The following SLC24A3 variants were observed in gnomAD, a reference collection of about 807,000 sequenced individuals.
SLC24A3 encodes the protein solute carrier family 24 member 3.
A neutral mutation model predicts 75.8 loss-of-function variants in SLC24A3; 28 were observed. That is an observed-to-expected ratio of 0.37 (90% CI 0.27 to 0.51). The LOEUF (loss-of-function observed/expected upper bound fraction) is 0.51. Among genes scored for constraint, SLC24A3 ranks in the 20% least tolerant of loss-of-function variants. SLC24A3 has a pLI of 0.94. For synonymous variants in SLC24A3, 372 were observed against 334.1 expected, an observed-to-expected ratio of 1.11 and a Z score of -1.24; for missense variants, 663 against 847.8, an observed-to-expected ratio of 0.78 and a Z score of 2.71.
intron 2 of SLC24A3, among the ~76,000 whole-genome samples, chr20:19,352,208 A>T (rs1568597342): frequency 6.6e-6 from 1 of 152,124 alleles, no homozygotes; most frequent in Non-Finnish European, 1.5e-5. Context: ...TAGCATTTGT[A>T]CTTAAAGTGG....
At position 19,345,861 on chromosome 20, in the gene SLC24A3, C is replaced by T. The variant is rs1447665611; in HGVS notation, c.271+64774C>T. Among the ~76,000 whole-genome samples, 4 of 151,590 alleles carry T rather than the reference C, an allele frequency of 2.6e-5. No homozygotes were observed. In the East Asian group the frequency reaches 7.8e-4, roughly 29 times the overall value. On this transcript the variant is annotated intron_variant, in intron 2 of 16. Transcript: ENST00000328041. The stretch of plus-strand genomic sequence containing the variant: ...GTGGGAAGGTAAAATAGTACCACCA[C>T]TATGGAAAACAGTGTGGAGATTCCT...
At chr20:19,268,090 C>G (rs1041416213) in intron 1 of SLC24A3, among the ~76,000 whole-genome samples, 6 of 152,112 alleles carry the variant, frequency 3.9e-5, no homozygotes, top group Non-Finnish European at 7.3e-5. Context: ...ATTGGCAAAT[C>G]TGCTCAACTG....
At chr20:19,365,159 C>G (rs565237592) in intron 2 of SLC24A3, among the ~76,000 whole-genome samples, 2 of 152,324 alleles carry the variant, frequency 1.3e-5, no homozygotes, top group East Asian at 3.9e-4. Flanking sequence ...CTACTGGCCC[C>G]TTCAGCTTGA....
At chr20:19,532,307 C>T (rs924295181) in intron 3 of SLC24A3, among the ~76,000 whole-genome samples, 2 of 152,158 alleles carry the variant, frequency 1.3e-5, no homozygotes, top group East Asian at 1.9e-4. Flanking sequence ...CGGAAGGCCC[C>T]GCAGCCCTCC....
At chr20:19,247,181 G>A (rs556329281) in intron 1 of SLC24A3, among the ~76,000 whole-genome samples, 15 of 152,264 alleles carry the variant, frequency 9.9e-5, no homozygotes, top group East Asian at 1.9e-4. Context: ...AGTACATAGC[G>A]TTTAGAAAGC....
At chr20:19,654,676 C>G (rs564857762) in intron 7 of SLC24A3, among the ~76,000 whole-genome samples, 1 of 124,588 alleles carries the variant, frequency 8.0e-6, no homozygotes, top group East Asian at 2.7e-4. Context: ...GAGATAGAGT[C>G]TCACTCTGTT....
intron 3 of SLC24A3, among the ~76,000 whole-genome samples, chr20:19,563,242 C>T (rs140367538): frequency 4.6e-5 from 7 of 152,204 alleles, no homozygotes; most frequent in East Asian, 1.9e-4. Flanking sequence ...ACATTGTCCC[C>T]GCCAGCTGAG....
At chr20:19,717,264 T>C (rs2033054702) in intron 15 of SLC24A3, among the ~76,000 whole-genome samples, 1 of 152,188 alleles carries the variant, frequency 6.6e-6, no homozygotes, top group Non-Finnish European at 1.5e-5. Flanking sequence ...CGTGGGGCAC[T>C]CCAGCCAGGG....
chr20:19,680,076 G>A (rs1008467190), intron 9 of SLC24A3, among the ~76,000 whole-genome samples: 17 of 150,758 alleles, frequency 1.1e-4, no homozygotes, highest in Admixed American at 2.0e-4. Context: ...GTGTCTGTGT[G>A]TGTGTCTGTA....
chr20:19,695,682 T>C (rs555757522), intron 13 of SLC24A3: 1 of 152,246 alleles, frequency 6.6e-6, no homozygotes, highest in South Asian at 2.1e-4. Flanking sequence ...CGTGCTGAAT[T>C]TAAACTGAGG....
intron 3 of SLC24A3, among the ~76,000 whole-genome samples, chr20:19,574,760 C>A (rs556375594): frequency 6.6e-6 from 1 of 152,332 alleles, no homozygotes; most frequent in Non-Finnish European, 1.5e-5. Context: ...CACTAGGGAG[C>A]ATGCTGTGAC....
chr20:19,661,165 A>G (rs1388014371), intron 7 of SLC24A3, among the ~76,000 whole-genome samples: 5 of 151,890 alleles, frequency 3.3e-5, no homozygotes, highest in Non-Finnish European at 7.4e-5. Context: ...AACAACCCCC[A>G]TCTCCTATAT....
intron 2 of SLC24A3, among the ~76,000 whole-genome samples, chr20:19,502,773 G>T (rs6112421): frequency 0.06 from 8,879 of 148,382 alleles, 778 homozygotes; most frequent in African/African-American, 0.2. Flanking sequence ...GCTTATGCTT[G>T]TAATCTCAGC....
At chr20:19,529,260 C>T (rs2030251959) in intron 3 of SLC24A3, among the ~76,000 whole-genome samples, 1 of 152,100 alleles carries the variant, frequency 6.6e-6, no homozygotes, top group Non-Finnish European at 1.5e-5. Context: ...TTTGGGTTTA[C>T]ATAGAGTCTG....
At chr20:19,504,865 C>T (rs1414451010) in intron 2 of SLC24A3, among the ~76,000 whole-genome samples, 4 of 152,172 alleles carry the variant, frequency 2.6e-5, no homozygotes, top group Admixed American at 2.6e-4. Context: ...AAATGCATGC[C>T]GTAGGCTCTT....
chr20:19,373,544 A>G (rs943017126), intron 2 of SLC24A3, among the ~76,000 whole-genome samples: 8 of 152,304 alleles, frequency 5.3e-5, no homozygotes, highest in Admixed American at 1.3e-4. Flanking sequence ...CTCTTGAGGG[A>G]CACTGAGCCC....
chr20:19,590,641 CAGAG>C (rs2031362386), intron 6 of SLC24A3, among the ~76,000 whole-genome samples: 1 of 152,188 alleles, frequency 6.6e-6, no homozygotes, highest in Non-Finnish European at 1.5e-5. Flanking sequence ...CTGTGAGTAG[CAGAG>C]AGCAGAATGT....
intron 6 of SLC24A3, among the ~76,000 whole-genome samples, chr20:19,609,563 C>G (rs2122661755): frequency 6.6e-6 from 1 of 152,174 alleles, no homozygotes; most frequent in East Asian, 1.9e-4. Context: ...GCTCTCCCTC[C>G]CCTTGCCCCC....
intron 15 of SLC24A3, among the ~76,000 whole-genome samples, chr20:19,699,989 C>T (rs2032852785): frequency 1.3e-5 from 2 of 152,090 alleles, no homozygotes; most frequent in African/African-American, 4.8e-5. Flanking sequence ...GGGTACAAAC[C>T]AATGTCATCA....
Sources: gnomAD v4.1 joint callset for allele counts (sites outside exome capture counted in the v4.1 genomes callset) on GRCh38, gnomAD v4.1.1 for gene constraint, MANE v1.5 for transcripts, NCBI Gene and HGNC (gene_info 2026-07-23, HGNC 2026-07-21) for gene names.